The following NAALADL2 variants were observed in gnomAD, a reference collection of about 807,000 sequenced individuals.
NAALADL2 encodes N-acetylated alpha-linked acidic dipeptidase like 2.
Under a neutral mutation model 87.2 loss-of-function variants are expected in NAALADL2, and 76 were observed. That is an observed-to-expected ratio of 0.87 (90% CI 0.72 to 1.05). NAALADL2 has a LOEUF of 1.05. Ranked by LOEUF, NAALADL2 falls within the 50% of genes least tolerant of loss-of-function variation. The pLI is 0.00. For missense variants in NAALADL2, 1,089 were observed against 945.8 expected (o/e 1.15, Z -1.99); for synonymous variants, 354 against 331.0 (o/e 1.07, Z -0.75).
rs141062835 is a variant in NAALADL2 at position 174,828,167 on chromosome 3, C to CACACAACACAACACA, written c.-9+90435_-9+90449dup. Among the ~76,000 whole-genome samples the CACACAACACAACACA allele has an allele frequency of 9.0e-3, 1,358 of 151,684 alleles. 20 individuals are homozygous for CACACAACACAACACA. The highest frequency in any genetic ancestry group is 0.029 in the African/African-American group (1,204 of 41,268). On this transcript the variant is annotated intron_variant, in intron 3 of 3. Coordinates refer to the NAALADL2 transcript ENST00000434257. Reference sequence around the variant, plus strand: ...AAGACCTTGTCTCTGAAACCAACCACACACAACACAACACAACACAACACA... The same window carrying CACACAACACAACACA: ...AAGACCTTGTCTCTGAAACCAACCACACACAACACAACACAACACAACACAACACAACACAACACA...
chr3:174,954,383 G>A lies in NAALADL2; in HGVS notation c.43+94933G>A, dbSNP rs1382889256. Among the ~76,000 whole-genome samples, 4 of 152,216 alleles carry A rather than the reference G, an allele frequency of 2.6e-5. No individual in the cohort carries two copies. The East Asian group carries it at 7.7e-4, about 29-fold the overall frequency. On this transcript the variant is annotated intron_variant, in intron 1 of 13. Transcript: ENST00000454872. ...TATTAAATGAAAACTGTACTGCATT[G>A]AGGGTGCATTATACTGTGATTGACA...
chr3:175,458,833 A>G (rs1259880758), intron 6 of NAALADL2, among the ~76,000 whole-genome samples: 1 of 152,058 alleles, frequency 6.6e-6, no homozygotes, highest in Non-Finnish European at 1.5e-5. Context: ...GTCTGCCCCT[A>G]CCACAATGTG....
At chr3:174,720,019 C>A (rs1287054796) in intron 2 of NAALADL2, among the ~76,000 whole-genome samples, 1 of 151,870 alleles carries the variant, frequency 6.6e-6, no homozygotes, top group Non-Finnish European at 1.5e-5. Flanking sequence ...CCAGGATGGT[C>A]TCGCTCTCTT....
intron 9 of NAALADL2, among the ~76,000 whole-genome samples, chr3:175,485,567 A>G (rs906512198): frequency 3.9e-5 from 6 of 152,172 alleles, no homozygotes; most frequent in African/African-American, 1.4e-4. Context: ...TAAGTCCAAG[A>G]GTCCAAAAGC....
chr3:175,276,884 C>T (rs938021447), intron 4 of NAALADL2, among the ~76,000 whole-genome samples: 12 of 152,184 alleles, frequency 7.9e-5, no homozygotes, highest in Non-Finnish European at 1.6e-4. Context: ...CACCTCACCA[C>T]CTAATCCCAT....
chr3:175,190,961 G>T (rs1410614786), intron 2 of NAALADL2, among the ~76,000 whole-genome samples: 1 of 128,082 alleles, frequency 7.8e-6, no homozygotes, highest in Non-Finnish European at 1.6e-5. Flanking sequence ...CTGGGCAACA[G>T]ACAGAGGGAG....
At chr3:175,090,161 A>G (rs1202196351) in intron 1 of NAALADL2, among the ~76,000 whole-genome samples, 1 of 152,128 alleles carries the variant, frequency 6.6e-6, no homozygotes, top group African/African-American at 2.4e-5. Flanking sequence ...AGGACCAAGA[A>G]AAAAGGAGCC....
chr3:174,966,295 C>T (rs77800668), intron 1 of NAALADL2, among the ~76,000 whole-genome samples: 1,805 of 152,232 alleles, frequency 0.012, 10 homozygotes, highest in Non-Finnish European at 0.019. Context: ...TAGGCTACAT[C>T]CCCAATGATG....
intron 1 of NAALADL2, among the ~76,000 whole-genome samples, chr3:174,945,288 A>G (rs1739243255): frequency 6.6e-6 from 1 of 152,190 alleles, no homozygotes; most frequent in African/African-American, 2.4e-5. Context: ...ACTACTTGAC[A>G]GATAAAGAAA....
At chr3:175,657,836 A>G (rs1357828211) in intron 11 of NAALADL2, among the ~76,000 whole-genome samples, 2 of 152,022 alleles carry the variant, frequency 1.3e-5, no homozygotes, top group Non-Finnish European at 2.9e-5. Context: ...TCAGCCTCCC[A>G]AAGTGCTAGG....
At chr3:175,781,605 G>A (rs1345357917) in intron 13 of NAALADL2, among the ~76,000 whole-genome samples, 3 of 149,226 alleles carry the variant, frequency 2.0e-5, no homozygotes, top group Admixed American at 6.7e-5. Flanking sequence ...TGATGATACT[G>A]ATCCTGTGTA....
At chr3:174,727,339 A>T (rs192466154) in intron 2 of NAALADL2, among the ~76,000 whole-genome samples, 2 of 151,924 alleles carry the variant, frequency 1.3e-5, no homozygotes, top group East Asian at 3.9e-4. Flanking sequence ...AATATTTAGG[A>T]TTTCCTTTCC....
At chr3:175,233,642 C>T (rs185211991) in intron 2 of NAALADL2, among the ~76,000 whole-genome samples, 7 of 152,178 alleles carry the variant, frequency 4.6e-5, no homozygotes, top group East Asian at 3.9e-4. Flanking sequence ...CAGAGGTTGT[C>T]GCTATGTTGC....
intron 4 of NAALADL2, among the ~76,000 whole-genome samples, chr3:175,262,558 A>G (rs979657604): frequency 7.2e-6 from 1 of 139,156 alleles, no homozygotes; most frequent in Non-Finnish European, 1.5e-5. Context: ...TAACAGATAA[A>G]ATATTCATGT....
At chr3:175,004,406 G>T (rs939501766) in intron 1 of NAALADL2, among the ~76,000 whole-genome samples, 11 of 69,422 alleles carry the variant, frequency 1.6e-4, no homozygotes, top group African/African-American at 5.1e-4. Context: ...AAAAAAAAAA[G>T]CCAAAAACAG....
At chr3:175,333,983 CAAT>C (rs1041034999) in intron 5 of NAALADL2, among the ~76,000 whole-genome samples, 1 of 152,022 alleles carries the variant, frequency 6.6e-6, no homozygotes, top group Non-Finnish European at 1.5e-5. Context: ...TAAGAAATAA[CAAT>C]AAAAATTGTC....
chr3:175,426,126 G>A (rs1007688087), intron 5 of NAALADL2, among the ~76,000 whole-genome samples: 2 of 152,184 alleles, frequency 1.3e-5, no homozygotes, highest in Non-Finnish European at 2.9e-5. Context: ...CACTTTGGGA[G>A]GCCAAGGCGG....
intron 2 of NAALADL2, among the ~76,000 whole-genome samples, chr3:174,695,774 T>C (rs1578575811): frequency 6.6e-6 from 1 of 152,064 alleles, no homozygotes; most frequent in East Asian, 1.9e-4. Context: ...TTTCCTACCA[T>C]ATATCACTTC....
intron 4 of NAALADL2, among the ~76,000 whole-genome samples, chr3:175,259,771 T>C (rs1750693338): frequency 6.6e-6 from 1 of 152,208 alleles, no homozygotes; most frequent in Non-Finnish European, 1.5e-5. Context: ...TGGCCGGTCA[T>C]GGTGGCTCAC....
Sources: allele counts gnomAD v4.1 joint callset (sites outside exome capture counted in the v4.1 genomes callset), GRCh38; gene constraint gnomAD v4.1.1; transcripts MANE v1.5; gene names NCBI Gene and HGNC (gene_info 2026-07-23, HGNC 2026-07-21).